Variants in ROR1 observed in about 807,000 individuals in gnomAD.
ROR1 encodes the protein inactive tyrosine-protein kinase transmembrane receptor ROR1.
Under a neutral mutation model 78.8 loss-of-function variants are expected in ROR1, and 19 were observed. The ratio of observed to expected loss-of-function variants is 0.24; its 90% CI spans 0.17 to 0.35. The LOEUF (loss-of-function observed/expected upper bound fraction) is 0.35. Among genes scored for constraint, ROR1 ranks in the 10% least tolerant of loss-of-function variants. The probability of loss-of-function intolerance (pLI) is 1.00; values close to 1 mark genes in which losing one functional copy is unlikely to be tolerated. For missense variants in ROR1, 917 were observed against 1,177.8 expected, an observed-to-expected ratio of 0.78 and a Z score of 3.24; for synonymous variants, 386 against 433.6, an observed-to-expected ratio of 0.89 and a Z score of 1.36.
At chr1:64,071,991 G>A (rs555344489) in intron 4 of ROR1, among the ~76,000 whole-genome samples, 2 of 152,152 alleles carry the variant, frequency 1.3e-5, no homozygotes, top group East Asian at 3.9e-4. Context: ...ACTATGTTGT[G>A]GTCCATGGTT....
intron 1 of ROR1, among the ~76,000 whole-genome samples, chr1:63,851,743 T>C (rs1192672163): frequency 6.6e-6 from 1 of 152,276 alleles, no homozygotes; most frequent in African/African-American, 2.4e-5. Flanking sequence ...ATGTGATTTA[T>C]ACAAAACATG....
intron 1 of ROR1, among the ~76,000 whole-genome samples, chr1:63,897,831 T>C (rs1007573400): frequency 6.6e-6 from 1 of 152,228 alleles, no homozygotes; most frequent in Non-Finnish European, 1.5e-5. Context: ...TAAAAGTACA[T>C]TTCTTGCTCA....
intron 1 of ROR1, among the ~76,000 whole-genome samples, chr1:63,843,996 A>C (rs545380484): frequency 1.3e-5 from 2 of 152,028 alleles, no homozygotes; most frequent in Non-Finnish European, 1.5e-5. Context: ...CATGACACCA[A>C]AGGGATTTTC....
At chr1:64,005,254 C>T (rs1646418702) in intron 1 of ROR1, among the ~76,000 whole-genome samples, 1 of 152,178 alleles carries the variant, frequency 6.6e-6, no homozygotes, top group South Asian at 2.1e-4. Flanking sequence ...GGACACTGTA[C>T]AGGAGTCTTT....
At chr1:64,036,593 A>T (rs1367147156) in intron 2 of ROR1, among the ~76,000 whole-genome samples, 1 of 152,134 alleles carries the variant, frequency 6.6e-6, no homozygotes, top group East Asian at 1.9e-4. Context: ...GACTGTGTGT[A>T]AGTCATTGCT....
chr1:64,131,525 A>G (rs1490222895), intron 4 of ROR1, among the ~76,000 whole-genome samples: 1 of 137,202 alleles, frequency 7.3e-6, no homozygotes, highest in African/African-American at 2.8e-5. Flanking sequence ...AGGTCCCTCT[A>G]CCTTGGCCCT....
chr1:63,941,730 G>A (rs991069717), intron 1 of ROR1, among the ~76,000 whole-genome samples: 1 of 152,104 alleles, frequency 6.6e-6, no homozygotes, highest in Non-Finnish European at 1.5e-5. Context: ...GGATCATAAG[G>A]CTTTGTTCCC....
intron 4 of ROR1, chr1:64,111,142 TCTC>T (rs1480801602): frequency 1.3e-5 from 2 of 152,164 alleles, no homozygotes; most frequent in Non-Finnish European, 2.9e-5. Flanking sequence ...TACTAAAACT[TCTC>T]CTAGAAGAGC....
chr1:64,005,609 C>T (rs183597769), intron 1 of ROR1, among the ~76,000 whole-genome samples: 45 of 152,228 alleles, frequency 3.0e-4, no homozygotes, highest in Middle Eastern at 6.8e-3. Flanking sequence ...CTCTCTGAAG[C>T]CACTGGTGGC....
intron 1 of ROR1, among the ~76,000 whole-genome samples, chr1:63,943,718 A>G (rs147549863): frequency 1.3e-5 from 2 of 152,362 alleles, no homozygotes; most frequent in Non-Finnish European, 2.9e-5. Context: ...GATTATAGGT[A>G]GAGGCATTCC....
chr1:63,969,983 C>T (rs1215385452), intron 1 of ROR1, among the ~76,000 whole-genome samples: 1 of 152,100 alleles, frequency 6.6e-6, no homozygotes, highest in Non-Finnish European at 1.5e-5. Flanking sequence ...TAAATCATTA[C>T]TTTCTTTTAT....
intron 2 of ROR1, among the ~76,000 whole-genome samples, chr1:64,040,717 G>A (rs1440599602): frequency 6.6e-6 from 1 of 151,994 alleles, no homozygotes; most frequent in Non-Finnish European, 1.5e-5. Flanking sequence ...ATGTCCCTGG[G>A]GTCTATTTTA....
chr1:63,935,416 G>A (rs746330791), intron 1 of ROR1, among the ~76,000 whole-genome samples: 22 of 152,176 alleles, frequency 1.4e-4, no homozygotes, highest in Non-Finnish European at 2.6e-4. Flanking sequence ...GAGACAGAGT[G>A]AAATGGTCAG....
Position 63,958,332 on chromosome 1 carries a change from C to T in ROR1, c.92-50973C>T, listed in dbSNP as rs570790092. Among the ~76,000 whole-genome samples, 16 of 152,214 alleles carry T rather than the reference C, an allele frequency of 1.1e-4. No homozygotes were observed. In the South Asian group the frequency reaches 2.9e-3, roughly 28 times the overall value. ...TGAGTCCCGCAGATACTCTCCATGC[C>T]TCCTGTATGCCTGTAATCCTTTGCT... is the stretch of plus-strand genomic sequence containing the variant. On this transcript the variant is annotated intron_variant, in intron 1 of 8. Coordinates refer to ENST00000371079, the MANE Select transcript of ROR1 (RefSeq NM_005012.4).
chr1:64,041,756 G>A (rs1341126173), intron 2 of ROR1, among the ~76,000 whole-genome samples: 1 of 152,180 alleles, frequency 6.6e-6, no homozygotes, highest in African/African-American at 2.4e-5. Flanking sequence ...ATTAGTCCTT[G>A]TGTTTTCAAG....
intron 4 of ROR1, among the ~76,000 whole-genome samples, chr1:64,062,890 G>A (rs1394660813): frequency 6.6e-5 from 10 of 152,118 alleles, no homozygotes; most frequent in East Asian, 5.8e-4. Flanking sequence ...ATTAGCCTTC[G>A]ACTTTGTAGG....
chr1:64,124,944 A>G (rs1184747121), intron 4 of ROR1, among the ~76,000 whole-genome samples: 1 of 152,264 alleles, frequency 6.6e-6, no homozygotes, highest in East Asian at 1.9e-4. Flanking sequence ...GTTCATAACC[A>G]GTTACAGCTG....
chr1:63,786,256 A>ATTTTTTTTTTT lies in ROR1; in HGVS notation c.91+11772_91+11782dup, dbSNP rs34933492. Among the ~76,000 whole-genome samples the ATTTTTTTTTTT allele has an allele frequency of 1.2e-4, 8 of 67,514 alleles. 1 individual carries two copies. The highest frequency in any genetic ancestry group is 2.4e-4 in the Admixed American group (1 of 4,082). 44.3% of individuals were successfully genotyped at this position (67,514 alleles called of 152,430 possible). Reference sequence around the variant, plus strand: ...CCCCCCTTACGCTGGCTACAACTTGATTTTTTTTTTTTTTTTTTTTTTTTT... The same window carrying ATTTTTTTTTTT: ...CCCCCCTTACGCTGGCTACAACTTGATTTTTTTTTTTTTTTTTTTTTTTTTTTTTTTTTTTT... On this transcript the variant is annotated intron_variant, in intron 1 of 8. Coordinates refer to ENST00000371079, the MANE Select transcript of ROR1 (RefSeq NM_005012.4).
At chr1:64,015,020 A>G (rs1646509603) in intron 2 of ROR1, among the ~76,000 whole-genome samples, 1 of 151,852 alleles carries the variant, frequency 6.6e-6, no homozygotes, top group Admixed American at 6.6e-5. Context: ...ACATTCCCAC[A>G]TGGCTGAGGA....
Sources: allele counts gnomAD v4.1 joint callset (sites outside exome capture counted in the v4.1 genomes callset), GRCh38; gene constraint gnomAD v4.1.1; transcripts MANE v1.5; gene names NCBI Gene and HGNC (gene_info 2026-07-23, HGNC 2026-07-21).